Variants in ARLN observed in about 807,000 individuals in gnomAD.
ARLN encodes allregulin.
At chr4:119,300,552 C>G in the ARLN span, 4 of 1,614,146 alleles carry the variant, frequency 2.5e-6, no homozygotes, top group Non-Finnish European at 3.4e-6. Context: ...CCTGCAGCTT[C>G]GTAACAACCC....
At chr4:119,300,670 A>C in the ARLN span, 3 of 1,547,716 alleles carry the variant, frequency 1.9e-6, no homozygotes, top group East Asian at 2.4e-5. Flanking sequence ...TCCGGAATGC[A>C]CTCTGAACCT....
chr4:119,302,216 GTTT>G, the ARLN span, among the ~76,000 whole-genome samples: 1 of 152,166 alleles, frequency 6.6e-6, no homozygotes, highest in African/African-American at 2.4e-5. Flanking sequence ...TCTTGAAATG[GTTT>G]TAAACTTGTC....
the ARLN span, chr4:119,300,747 C>T: frequency 8.0e-6 from 12 of 1,501,344 alleles, no homozygotes; most frequent in Admixed American, 2.1e-5. Flanking sequence ...GCATGAAGCG[C>T]GGCCTCCGCC....
chr4:119,300,990 G>T, the ARLN span: 1 of 538,702 alleles, frequency 1.9e-6, no homozygotes, highest in Non-Finnish European at 3.2e-6. Flanking sequence ...GTTTTGTACT[G>T]TCTCTAGCAT....
chr4:119,300,335 C>A, the ARLN span: 3 of 1,606,962 alleles, frequency 1.9e-6, no homozygotes, highest in Non-Finnish European at 2.6e-6. Context: ...GAGATACTCA[C>A]CATGGCAAAA....
the ARLN span, among the ~76,000 whole-genome samples, chr4:119,301,143 C>G: frequency 0.29 from 44,117 of 151,242 alleles, 6,569 homozygotes; most frequent in East Asian, 0.38. Flanking sequence ...GCCGCGCCCC[C>G]CTGTAATCCC....
the ARLN span, chr4:119,296,830 C>T: frequency 2.0e-5 from 3 of 152,164 alleles, no homozygotes; most frequent in Non-Finnish European, 2.9e-5. Flanking sequence ...ATCAAGATGA[C>T]ATATAAAATT....
At chr4:119,300,957 G>C in the ARLN span, 4 of 677,382 alleles carry the variant, frequency 5.9e-6, no homozygotes, top group Non-Finnish European at 9.5e-6. Context: ...ATGCCAACGT[G>C]TTAGGAAGGC....
chr4:119,304,315 A>AT, the ARLN span: 1 of 1,537,082 alleles, frequency 6.5e-7, no homozygotes, highest in Non-Finnish European at 8.7e-7. Flanking sequence ...GGAGAGGGTT[A>AT]TTTTCTCAAG....
At chr4:119,300,906 C>A in the ARLN span, 8 of 1,067,708 alleles carry the variant, frequency 7.5e-6, no homozygotes, top group Non-Finnish European at 1.0e-5. Flanking sequence ...TGAAACTGCA[C>A]GAGGTCACCT....
At chr4:119,301,156 C>A in the ARLN span, among the ~76,000 whole-genome samples, 2 of 149,278 alleles carry the variant, frequency 1.3e-5, no homozygotes, top group African/African-American at 5.0e-5. Flanking sequence ...GTAATCCCAG[C>A]ACTTTGAGAG....
chr4:119,303,231 C>CTTTT, the ARLN span, among the ~76,000 whole-genome samples: 1 of 111,366 alleles, frequency 9.0e-6, no homozygotes, highest in Non-Finnish European at 1.8e-5. Context: ...CTCTTCAATT[C>CTTTT]TTTTTTTTTT....
At chr4:119,302,168 T>A in the ARLN span, among the ~76,000 whole-genome samples, 1,193 of 152,200 alleles carry the variant, frequency 7.8e-3, 15 homozygotes, top group African/African-American at 0.027. Flanking sequence ...ATTATTGAGA[T>A]TATTAGTGTT....
At chr4:119,296,838 AT>A in the ARLN span, 1 of 152,336 alleles carries the variant, frequency 6.6e-6, no homozygotes, top group Non-Finnish European at 1.5e-5. Context: ...GACATATAAA[AT>A]TAACCTTCAC....
At chr4:119,304,192 T>C in the ARLN span, 1 of 1,351,534 alleles carries the variant, frequency 7.4e-7, no homozygotes. Flanking sequence ...TTCATAAAAT[T>C]TCCTTCACTA....
At chr4:119,303,841 A>C in the ARLN span, among the ~76,000 whole-genome samples, 1 of 152,210 alleles carries the variant, frequency 6.6e-6, no homozygotes. Context: ...GTGCCACTGC[A>C]CTTCAGCCTT....
At chr4:119,299,082 C>T in the ARLN span, among the ~76,000 whole-genome samples, 18 of 152,120 alleles carry the variant, frequency 1.2e-4, no homozygotes, top group Admixed American at 5.2e-4. Flanking sequence ...TAATCCCTCT[C>T]GCTCCCCTGC....
the ARLN span, chr4:119,300,959 T>C: frequency 1.5e-6 from 1 of 671,258 alleles, no homozygotes; most frequent in Non-Finnish European, 2.4e-6. Flanking sequence ...GCCAACGTGT[T>C]AGGAAGGCCC....
the ARLN span, among the ~76,000 whole-genome samples, chr4:119,299,191 ATCC>A: frequency 2.6e-5 from 4 of 152,082 alleles, no homozygotes; most frequent in South Asian, 6.2e-4. Context: ...AGCTCAAGCA[ATCC>A]TCCTATTTCA....
Sources: gnomAD v4.1 joint callset for allele counts (sites outside exome capture counted in the v4.1 genomes callset) on GRCh38, gnomAD v4.1.1 for gene constraint, MANE v1.5 for transcripts, NCBI Gene and HGNC (gene_info 2026-07-23, HGNC 2026-07-21) for gene names.